Variants in PRLR observed in about 807,000 individuals in gnomAD.
The protein encoded by PRLR is prolactin receptor.
A neutral mutation model predicts 40.2 loss-of-function variants in PRLR; 13 were observed. The ratio of observed to expected loss-of-function variants is 0.32; its 90% CI spans 0.21 to 0.51. PRLR has a LOEUF of 0.51. PRLR is among the 20% of genes least tolerant of loss of function. The pLI, the probability that PRLR is intolerant of heterozygous loss-of-function variation, is 0.97. For missense variants in PRLR, 656 were observed against 747.3 expected (o/e 0.88, Z 1.42); for synonymous variants, 269 against 278.7 (o/e 0.97, Z 0.35).
chr5:35,185,707 C>T (rs1241711814), intron 1 of PRLR, among the ~76,000 whole-genome samples: 2 of 152,206 alleles, frequency 1.3e-5, no homozygotes, highest in Admixed American at 1.3e-4. Context: ...TCTATACACA[C>T]AAACTGCTGA....
chr5:35,124,515 A>G (rs1773393608), intron 1 of PRLR, among the ~76,000 whole-genome samples: 1 of 152,180 alleles, frequency 6.6e-6, no homozygotes, highest in Non-Finnish European at 1.5e-5. Context: ...GTAGTCTATA[A>G]CCCCTAGTCC....
intron 2 of PRLR, among the ~76,000 whole-genome samples, chr5:35,108,356 A>G (rs1322523464): frequency 6.6e-6 from 1 of 152,166 alleles, no homozygotes; most frequent in African/African-American, 2.4e-5. Flanking sequence ...TCAACATAGT[A>G]TTGGAAGTTC....
chr5:35,158,380 G>C (rs1275962607), intron 1 of PRLR, among the ~76,000 whole-genome samples: 5 of 152,172 alleles, frequency 3.3e-5, no homozygotes, highest in African/African-American at 1.2e-4. Flanking sequence ...GAAATGTCTA[G>C]AGATAACTGA....
chr5:35,160,748 C>T (rs998693833), intron 1 of PRLR, among the ~76,000 whole-genome samples: 3 of 152,290 alleles, frequency 2.0e-5, no homozygotes, highest in African/African-American at 7.2e-5. Flanking sequence ...CCAAATCACC[C>T]TTAGGGCCCC....
rs1326127345 is a variant in PRLR, at chr5:35,058,168, A to G, written c.*6921T>C. The stretch of plus-strand genomic sequence containing the variant: ...AAAAAACCCAGCAACTTAATTATAA[A>G]ACAATTACTTCTAATTTCTCACTTA... On this transcript the variant is annotated 3_prime_UTR_variant, in exon 10 of 10. Coordinates refer to ENST00000618457, the MANE Select transcript of PRLR (RefSeq NM_000949.7). The G allele has an allele frequency of 6.6e-6, 1 of 152,216 alleles. No individual in the cohort carries two copies. The highest frequency in any genetic ancestry group is 1.5e-5 in the Non-Finnish European group (1 of 68,032). 9.4% of individuals were successfully genotyped at this position (152,216 alleles called of 1,614,324 possible). A position where few individuals can be genotyped will look rare whatever the true frequency, so the allele number is the denominator to read the frequency against.
chr5:35,142,006 C>T (rs1257450523), intron 1 of PRLR, among the ~76,000 whole-genome samples: 2 of 152,166 alleles, frequency 1.3e-5, no homozygotes, highest in African/African-American at 4.8e-5. Flanking sequence ...TATTCATAAC[C>T]CACACTCAGA....
Position 35,057,473 on chromosome 5 carries a change from A to C in PRLR, c.*7616T>G, listed in dbSNP as rs751780615. The C allele has an allele frequency of 3.9e-5, 6 of 152,196 alleles. No homozygotes were observed. The highest frequency in any genetic ancestry group is 8.8e-5 in the Non-Finnish European group (6 of 68,012). 9.4% of individuals were successfully genotyped at this position (152,196 alleles called of 1,614,324 possible). On this transcript the variant is annotated 3_prime_UTR_variant, in exon 10 of 10. Coordinates refer to ENST00000618457, the MANE Select transcript of PRLR (RefSeq NM_000949.7). ...GTATTTTCAATAATGATGTGAATAG[A>C]AATATAACTAACATATTATATTGGG...
chr5:35,087,255 G>T (rs1279598923), intron 3 of PRLR, among the ~76,000 whole-genome samples: 1 of 152,128 alleles, frequency 6.6e-6, no homozygotes, highest in African/African-American at 2.4e-5. Context: ...CTCCCAAACT[G>T]CTGGGATTAA....
chr5:35,169,910 C>G (rs1179522979), intron 1 of PRLR, among the ~76,000 whole-genome samples: 1 of 152,198 alleles, frequency 6.6e-6, no homozygotes, highest in Non-Finnish European at 1.5e-5. Context: ...TCTCCAAATT[C>G]ATCTACAGCA....
At chr5:35,081,431 G>T in intron 5 of PRLR, 2 of 196,480 alleles carry the variant, frequency 1.0e-5, no homozygotes, top group South Asian at 1.9e-4. Context: ...GTGGTGACCT[G>T]ACCTGCCATC....
At chr5:35,107,742 C>T (rs113013560) in intron 2 of PRLR, among the ~76,000 whole-genome samples, 5 of 152,176 alleles carry the variant, frequency 3.3e-5, no homozygotes, top group African/African-American at 1.2e-4. Context: ...TAATAGCCTA[C>T]CAAGCAAAAA....
chr5:35,078,972 A>C (rs1770312236), intron 5 of PRLR, among the ~76,000 whole-genome samples: 1 of 152,178 alleles, frequency 6.6e-6, no homozygotes, highest in South Asian at 2.1e-4. Flanking sequence ...TGATTATCTC[A>C]ATAGATGCAG....
At chr5:35,109,098 C>T (rs1460194141) in intron 2 of PRLR, among the ~76,000 whole-genome samples, 2 of 152,074 alleles carry the variant, frequency 1.3e-5, no homozygotes, top group African/African-American at 4.8e-5. Flanking sequence ...ACAAACCTGA[C>T]AAAAACAAGA....
intron 1 of PRLR, among the ~76,000 whole-genome samples, chr5:35,215,744 T>C (rs989099994): frequency 1.5e-4 from 23 of 151,104 alleles, no homozygotes; most frequent in Non-Finnish European, 2.1e-4. Context: ...TATTTAGAAA[T>C]AGAAGTAAGG....
chr5:35,096,356 T>C (rs980912809), intron 2 of PRLR, among the ~76,000 whole-genome samples: 1 of 152,116 alleles, frequency 6.6e-6, no homozygotes, highest in African/African-American at 2.4e-5. Flanking sequence ...TCTTTTTGGC[T>C]TAAAGGCAAG....
At chr5:35,083,727 T>C (rs531831992) in intron 5 of PRLR, among the ~76,000 whole-genome samples, 2 of 149,286 alleles carry the variant, frequency 1.3e-5, no homozygotes, top group Admixed American at 6.7e-5. Flanking sequence ...ACCATGTTGG[T>C]CAGGCTGGTC....
At chr5:35,190,286 A>G (rs1175161619) in intron 1 of PRLR, among the ~76,000 whole-genome samples, 1 of 152,126 alleles carries the variant, frequency 6.6e-6, no homozygotes, top group Non-Finnish European at 1.5e-5. Context: ...TTTGCTCCAG[A>G]ATGTGCCCTC....
chr5:35,112,364 G>A (rs996012725), intron 2 of PRLR, among the ~76,000 whole-genome samples: 2 of 152,110 alleles, frequency 1.3e-5, no homozygotes, highest in Admixed American at 1.3e-4. Context: ...TATTAAAAAG[G>A]CGTTTAATAA....
intron 2 of PRLR, among the ~76,000 whole-genome samples, chr5:35,102,485 CG>C: frequency 6.9e-6 from 1 of 145,582 alleles, no homozygotes; most frequent in South Asian, 2.2e-4. Flanking sequence ...CGTCCCGTCC[CG>C]TCTCCTCTCC....
Sources: allele counts gnomAD v4.1 joint callset (sites outside exome capture counted in the v4.1 genomes callset), GRCh38; gene constraint gnomAD v4.1.1; transcripts MANE v1.5; gene names NCBI Gene and HGNC (gene_info 2026-07-23, HGNC 2026-07-21).